The following SNX13 variants were observed in gnomAD, a reference collection of about 807,000 sequenced individuals.
SNX13 encodes sorting nexin 13, also known as sorting nexin-13.
In SNX13, 45 loss-of-function variants were observed where a neutral mutation model predicts 133.6. That is an observed-to-expected ratio of 0.34 (90% CI 0.27 to 0.43). SNX13 has a LOEUF of 0.43. Ranked by LOEUF, SNX13 falls within the 20% of genes least tolerant of loss-of-function variation. The pLI is 1.00. For missense variants in SNX13, 1,032 were observed against 1,145.1 expected (o/e 0.90, Z 1.43); for synonymous variants, 414 against 373.9 (o/e 1.11, Z -1.24).
intron 9 of SNX13, among the ~76,000 whole-genome samples, chr7:17,858,376 AAC>A (rs1263029070): frequency 6.6e-6 from 1 of 152,058 alleles, no homozygotes; most frequent in African/African-American, 2.4e-5. Flanking sequence ...TAAATCAAGA[AAC>A]AAATCACATT....
At chr7:17,849,628 C>G (rs1016633403) in intron 11 of SNX13, among the ~76,000 whole-genome samples, 2 of 152,180 alleles carry the variant, frequency 1.3e-5, no homozygotes, top group Non-Finnish European at 2.9e-5. Context: ...ATCTAACCCC[C>G]CGGTTCTTCT....
At chr7:17,843,063 C>T (rs972174829) in intron 12 of SNX13, among the ~76,000 whole-genome samples, 1 of 151,712 alleles carries the variant, frequency 6.6e-6, no homozygotes, top group Non-Finnish European at 1.5e-5. Flanking sequence ...AAACAAATAA[C>T]AAGATGACAG....
chr7:17,887,203 T>C (rs1438702920), intron 5 of SNX13, among the ~76,000 whole-genome samples: 1 of 152,208 alleles, frequency 6.6e-6, no homozygotes, highest in African/African-American at 2.4e-5. Flanking sequence ...ACTCTAAGTT[T>C]GCTACAAGAA....
At chr7:17,909,496 T>C (rs1798730381) in intron 1 of SNX13, among the ~76,000 whole-genome samples, 1 of 152,188 alleles carries the variant, frequency 6.6e-6, no homozygotes, top group African/African-American at 2.4e-5. Context: ...GTGGTACATA[T>C]ACACCATGGA....
At chr7:17,834,514 T>G (rs754930608) in intron 14 of SNX13, among the ~76,000 whole-genome samples, 17 of 151,858 alleles carry the variant, frequency 1.1e-4, no homozygotes, top group Non-Finnish European at 2.2e-4. Flanking sequence ...CATCAAATTC[T>G]GAGACTACAA....
At chr7:17,803,742 T>C (rs1189984486) in intron 20 of SNX13, among the ~76,000 whole-genome samples, 162 bp from the exon 21 acceptor site, 4 of 152,082 alleles carry the variant, frequency 2.6e-5, no homozygotes, top group African/African-American at 9.7e-5. Flanking sequence ...TTGTCTTCAG[T>C]GTGTCTTAAA....
At chr7:17,918,820 C>T (rs1799828510) in intron 1 of SNX13, among the ~76,000 whole-genome samples, 1 of 152,168 alleles carries the variant, frequency 6.6e-6, no homozygotes, top group Non-Finnish European at 1.5e-5. Context: ...TATCACAGTA[C>T]TATTCACAAT....
rs774252955 is a variant in SNX13 at position 17,865,967 on chromosome 7, C to T, written c.837+2440G>A. 1.2e-3 allele frequency among the ~76,000 whole-genome samples: 182 copies of T among 152,110 alleles called. 3 individuals carry two copies. The highest frequency in any genetic ancestry group is 7.9e-4 in the Non-Finnish European group (54 of 68,004). ...GAGGAATGAAACTAGACCCCTATCT[C>T]TCAGCATATAGAAAAACCAATTTAA... is the stretch of plus-strand genomic sequence containing the variant. On this transcript the variant is annotated intron_variant, in intron 9 of 25. Transcript: ENST00000428135.
chr7:17,850,837 G>A lies in SNX13; in HGVS notation c.965C>T (p.Thr322Ile). 6.3e-7 allele frequency: 1 copy of A among 1,588,366 alleles called. No homozygotes were observed. The highest frequency in any genetic ancestry group is 8.5e-7 in the Non-Finnish European group (1 of 1,172,182). ...AATACATTACTTACCATCACCAGCT[G>A]TATCTAGAGATCTAAGATACTGTAA... ...EELQYLRSLD[T>I]AGDDINTIKN... The change falls in exon 10 of 26, where the codon ACA becomes ATA. Residue 322 changes from threonine to isoleucine, a missense_variant. Coordinates refer to ENST00000428135, the MANE Select transcript of SNX13 (RefSeq NM_015132.5).
intron 1 of SNX13, among the ~76,000 whole-genome samples, chr7:17,911,735 C>T (rs1479835701): frequency 1.3e-5 from 2 of 151,836 alleles, no homozygotes; most frequent in African/African-American, 4.8e-5. Flanking sequence ...GAAGGCAATG[C>T]TACAAGGAGT....
At position 17,812,818 on chromosome 7, in the gene SNX13, T is replaced by C. The variant is rs953436618; in HGVS notation, c.2064+2016A>G. ...CACCATGGCATATTATGCAACCATATAAAAGGATGAGTTCATGTCCTTTAC... is the reference window on the plus strand; with the variant it reads ...CACCATGGCATATTATGCAACCATACAAAAGGATGAGTTCATGTCCTTTAC... On this transcript the variant is annotated intron_variant, in intron 20 of 25. Transcript: ENST00000428135. 3.9e-5 allele frequency among the ~76,000 whole-genome samples: 6 copies of C among 151,952 alleles called. No homozygotes were observed. In the East Asian group the frequency reaches 7.7e-4, roughly 20 times the overall value.
intron 9 of SNX13, among the ~76,000 whole-genome samples, chr7:17,851,269 G>T (rs1791174876): frequency 6.6e-6 from 1 of 152,192 alleles, no homozygotes; most frequent in African/African-American, 2.4e-5. Flanking sequence ...GATATGGTCA[G>T]CAGCAATGGA....
chr7:17,898,704 T>C (rs183944286), intron 1 of SNX13: 2 of 152,306 alleles, frequency 1.3e-5, no homozygotes, highest in Admixed American at 1.3e-4. Context: ...TGTGTAGGGC[T>C]GGTCTAAGCA....
intron 1 of SNX13, among the ~76,000 whole-genome samples, chr7:17,905,981 T>A (rs1798355832): frequency 6.6e-6 from 1 of 152,046 alleles, no homozygotes; most frequent in South Asian, 2.1e-4. Context: ...CTGGCATGTC[T>A]AAATATATAT....
intron 20 of SNX13, among the ~76,000 whole-genome samples, chr7:17,804,144 A>T (rs1784928538): frequency 6.6e-6 from 1 of 152,148 alleles, no homozygotes; most frequent in Non-Finnish European, 1.5e-5. Context: ...AATCAATATA[A>T]GCTTTGGCTG....
chr7:17,926,223 G>A (rs926648263), intron 1 of SNX13, among the ~76,000 whole-genome samples: 1 of 152,136 alleles, frequency 6.6e-6, no homozygotes, highest in Admixed American at 6.5e-5. Flanking sequence ...ACGGGTGCTA[G>A]TGACAGTATT....
chr7:17,820,688 T>C (rs1361368593), intron 18 of SNX13, among the ~76,000 whole-genome samples: 1 of 152,152 alleles, frequency 6.6e-6, no homozygotes, highest in Non-Finnish European at 1.5e-5. Context: ...AAAAAGATAA[T>C]TTCTGATTTC....
chr7:17,827,917 ACTT>A (rs1340347985), intron 16 of SNX13, among the ~76,000 whole-genome samples: 2 of 151,870 alleles, frequency 1.3e-5, no homozygotes, highest in African/African-American at 4.8e-5. Flanking sequence ...ATCTACTATA[ACTT>A]CTTCTAATTA....
chr7:17,935,807 G>A (rs938727248), intron 1 of SNX13, among the ~76,000 whole-genome samples: 3 of 152,096 alleles, frequency 2.0e-5, no homozygotes, highest in African/African-American at 7.2e-5. Context: ...TGGACCTATG[G>A]TCTTCTTGCT....
Sources: allele counts gnomAD v4.1 joint callset (sites outside exome capture counted in the v4.1 genomes callset), GRCh38; gene constraint gnomAD v4.1.1; transcripts MANE v1.5; gene names NCBI Gene and HGNC (gene_info 2026-07-23, HGNC 2026-07-21).